The following SLC7A10 variants were observed in gnomAD, a reference collection of about 807,000 sequenced individuals.
The protein encoded by SLC7A10 is asc-type amino acid transporter 1.
In SLC7A10, 30 loss-of-function variants were observed where a neutral mutation model predicts 52.7. That is an observed-to-expected ratio of 0.57 (90% CI 0.43 to 0.77). SLC7A10 has a LOEUF of 0.77. Among genes scored for constraint, SLC7A10 ranks in the 30% least tolerant of loss-of-function variants. The probability of loss-of-function intolerance (pLI) is 0.00; values close to 1 mark genes in which losing one functional copy is unlikely to be tolerated. For missense variants in SLC7A10, 581 were observed against 698.5 expected (o/e 0.83, Z 1.90); for synonymous variants, 318 against 314.9 (o/e 1.01, Z -0.10).
rs552670185 is a variant in SLC7A10, at chr19:33,209,815, T to C, written c.1264-330A>G. 1.4e-4 allele frequency among the ~76,000 whole-genome samples: 22 copies of C among 152,352 alleles called. No homozygotes were observed. The South Asian group carries it at 2.1e-3, about 14-fold the overall frequency. ...TTTCAGGCACTGAGCACTTCTCCAC[T>C]TAAGGATTTATACACACATGGGGGG... On this transcript the variant is annotated intron_variant, in intron 9 of 10. Transcript: ENST00000253188.
intron 1 of SLC7A10, chr19:33,217,936 G>A (rs1357959347): frequency 6.6e-6 from 1 of 152,206 alleles, no homozygotes. Flanking sequence ...AGAGAGAGAA[G>A]CGCCTCTCTC....
At chr19:33,213,064 C>G in intron 2 of SLC7A10, 62 bp from the exon 3 acceptor site, 1 of 1,550,354 alleles carries the variant, frequency 6.5e-7, no homozygotes, top group Non-Finnish European at 8.7e-7. Context: ...CCAACCTGGC[C>G]CTGATGTGTG....
In SLC7A10 at chr19:33,210,662, T is replaced by C; in HGVS notation, c.1114-46A>G. The stretch of plus-strand genomic sequence containing the variant: ...GACGGCTGGCCCCTAGCCTGCCTCC[T>C]GACGCCCCTGCAGGATGAGCCCTGG... On this transcript the variant is annotated intron_variant, in intron 8 of 10. Coordinates refer to ENST00000253188, the MANE Select transcript of SLC7A10 (RefSeq NM_019849.3). This position sits in a 1 kb window ranked among gnomAD's most constrained non-coding sequence, Gnocchi z 5.6. 1 of 1,609,940 alleles carries C rather than the reference T, an allele frequency of 6.2e-7. No homozygotes were observed. The highest frequency in any genetic ancestry group is 8.5e-7 in the Non-Finnish European group (1 of 1,179,796).
In SLC7A10 at chr19:33,210,669, C is replaced by T; in HGVS notation, c.1114-53G>A. On this transcript the variant is annotated intron_variant, in intron 8 of 10. Coordinates refer to ENST00000253188, the MANE Select transcript of SLC7A10 (RefSeq NM_019849.3). This position sits in a 1 kb window ranked among gnomAD's most constrained non-coding sequence, Gnocchi z 5.6. Reference sequence around the variant, plus strand: ...GGCCCCTAGCCTGCCTCCTGACGCCCCTGCAGGATGAGCCCTGGCCCCACC... The same window carrying T: ...GGCCCCTAGCCTGCCTCCTGACGCCTCTGCAGGATGAGCCCTGGCCCCACC... 2.5e-6 allele frequency: 4 copies of T among 1,609,646 alleles called. No individual in the cohort carries two copies. The highest frequency in any genetic ancestry group is 2.2e-5 in the East Asian group (1 of 44,842).
rs1214887084 is a variant in SLC7A10 at position 33,225,572 on chromosome 19, G to C, written c.132C>G (p.Ser44Arg). 1.3e-6 allele frequency: 2 copies of C among 1,596,426 alleles called. No individual in the cohort carries two copies. Among genetic ancestry groups the C allele is most frequent in the Non-Finnish European group, 1.7e-6 (2 of 1,179,328 alleles). Residue 44 changes from serine (S) to arginine (R), a missense_variant, in exon 1 of 11, where the codon AGC (serine) becomes AGG (arginine). Coordinates refer to ENST00000253188, the MANE Select transcript of SLC7A10 (RefSeq NM_019849.3). ...VALKKEIGLL[S>R]ACTIIIGNII... ...GCTCACCGATGATGATGGTGCAGGC[G>C]CTCAGCAGCCCGATCTCCTTCTTGA...
chr19:33,212,727 G>T, intron 3 of SLC7A10, 88 bp from the exon 4 acceptor site: 1 of 1,610,654 alleles, frequency 6.2e-7, no homozygotes. Flanking sequence ...CCCGAGAATG[G>T]CATCCCCTAT....
Position 33,212,337 on chromosome 19 carries a change from C to T in SLC7A10, c.743G>A (p.Trp248Ter), listed in dbSNP as rs1333481652. Residue 248 changes from tryptophan (W) to a stop codon, truncating the protein, a stop_gained, in exon 5 of 11, where the codon TGG (tryptophan) becomes TAG (stop). Coordinates refer to ENST00000253188, the MANE Select transcript of SLC7A10 (RefSeq NM_019849.3). LOFTEE classifies it high-confidence loss of function. ...CTCGGTGACATAGTTGAGGAAGTTC[C>T]AGCCACTGAAGGCGAAGGAGCCCTG... Reference protein sequence around the residue: ...FLQGSFAFSGWNFLNYVTEEM... With the variant: ...FLQGSFAFSG The T allele has an allele frequency of 1.9e-6, 3 of 1,613,348 alleles. No homozygotes were observed. Among genetic ancestry groups the T allele is most frequent in the Non-Finnish European group, 2.5e-6 (3 of 1,179,902 alleles).
chr19:33,216,132 C>G (rs565332759), intron 1 of SLC7A10, among the ~76,000 whole-genome samples, 159 bp from the exon 2 acceptor site: 208 of 152,274 alleles, frequency 1.4e-3, no homozygotes, highest in Non-Finnish European at 2.1e-3. Flanking sequence ...ATGCCACTGG[C>G]CCCCAAGCCC....
At chr19:33,217,046 T>C (rs1974702320) in intron 1 of SLC7A10, among the ~76,000 whole-genome samples, 2 of 152,016 alleles carry the variant, frequency 1.3e-5, no homozygotes, top group Non-Finnish European at 1.5e-5. Context: ...GTTTTTTTTT[T>C]TTTTACTTTT....
chr19:33,218,597 T>C (rs1568394055), intron 1 of SLC7A10, among the ~76,000 whole-genome samples: 1 of 150,186 alleles, frequency 6.7e-6, no homozygotes, highest in Non-Finnish European at 1.5e-5. Flanking sequence ...GAGGGGGCTG[T>C]GGACAGGGAT....
chr19:33,221,375 G>A (rs978981466), intron 1 of SLC7A10, among the ~76,000 whole-genome samples: 8 of 152,198 alleles, frequency 5.3e-5, no homozygotes, highest in Non-Finnish European at 1.0e-4. Context: ...GTAAGCCAGT[G>A]CCTGACACCG....
chr19:33,223,334 AAAAAG>A (rs1974854142), intron 1 of SLC7A10, among the ~76,000 whole-genome samples: 1 of 151,752 alleles, frequency 6.6e-6, no homozygotes, highest in Non-Finnish European at 1.5e-5. Flanking sequence ...AAAAAGAAAG[AAAAAG>A]AAAGGAAAGG....
intron 1 of SLC7A10, among the ~76,000 whole-genome samples, chr19:33,216,950 C>A (rs2145484446): frequency 6.6e-6 from 1 of 152,198 alleles, no homozygotes. Context: ...TCATAGCTTA[C>A]TGCAGCCTGG....
Position 33,209,069 on chromosome 19 carries a change from G to T in SLC7A10, c.1442-48C>A, listed in dbSNP as rs748662502. 9.3e-6 allele frequency: 15 copies of T among 1,610,442 alleles called. No individual in the cohort carries two copies. The Admixed American group carries it at 1.5e-4, about 16-fold the overall frequency. On this transcript the variant is annotated intron_variant, in intron 10 of 10. Transcript: ENST00000253188. ...TGGGGCCTGACCTCTCGGGATAGGG[G>T]TGACCCCCAGCTCCGGACACCTCCC...
Position 33,209,379 on chromosome 19 carries a change from A to G in SLC7A10, c.1370T>C (p.Leu457Pro). ...MVCGVGVIII[L>P]TGVPIFFLGV... ...CAGAAAGAAAATGGGCACCCCCGTA[A>G]GGATGATGATGACGCCGACCCCACA... Residue 457 changes from leucine (L) to proline (P), a missense_variant, in exon 10 of 11, where the codon CTT becomes CCT. Physicochemically the swap from Leu to Pro is moderately conservative, Grantham distance 98. Transcript: ENST00000253188. 1 of 1,614,074 alleles carries G rather than the reference A, an allele frequency of 6.2e-7. No individual in the cohort carries two copies. Among genetic ancestry groups the G allele is most frequent in the Non-Finnish European group, 8.5e-7 (1 of 1,180,016 alleles).
rs1486436320 is a variant in SLC7A10, at chr19:33,216,731, C to T, written c.152-758G>A. 4.6e-5 allele frequency among the ~76,000 whole-genome samples: 7 copies of T among 152,256 alleles called. No individual in the cohort carries two copies. The East Asian group carries it at 1.2e-3, about 25-fold the overall frequency. On this transcript the variant is annotated intron_variant, in intron 1 of 10. Coordinates refer to ENST00000253188, the MANE Select transcript of SLC7A10 (RefSeq NM_019849.3). ...TTAGAATTACAGGCATGAGCCACCA[C>T]GCCTGGCTAATATTTTTTGTACTTT... is the stretch of plus-strand genomic sequence containing the variant.
intron 1 of SLC7A10, among the ~76,000 whole-genome samples, chr19:33,218,671 T>TTTCTTTCTCTCTCTCTC (rs369226143): frequency 2.6e-5 from 2 of 78,310 alleles, no homozygotes; most frequent in South Asian, 7.5e-4. Flanking sequence ...ATTTCTTTCT[T>TTTCTTTCTCTCTCTCTC]TCTTTCTTTC....
intron 2 of SLC7A10, among the ~76,000 whole-genome samples, chr19:33,214,007 C>G (rs543441009): frequency 2.0e-5 from 3 of 152,296 alleles, no homozygotes; most frequent in African/African-American, 7.2e-5. Flanking sequence ...GCACAACCAT[C>G]CCTGCTGGGC....
chr19:33,213,266 G>A (rs1042009468), intron 2 of SLC7A10, among the ~76,000 whole-genome samples: 2 of 151,846 alleles, frequency 1.3e-5, no homozygotes, highest in African/African-American at 4.8e-5. Flanking sequence ...AACAACATAG[G>A]CACCAAACGC....
Sources: allele counts gnomAD v4.1 joint callset (sites outside exome capture counted in the v4.1 genomes callset), GRCh38; gene constraint gnomAD v4.1.1; non-coding constraint Gnocchi (gnomAD v3.1); transcripts MANE v1.5; gene names NCBI Gene and HGNC (gene_info 2026-07-23, HGNC 2026-07-21).